Variants in KLF8 observed in about 807,000 individuals in gnomAD.
KLF8 encodes Krueppel-like factor 8.
KLF8 carries 10 observed loss-of-function variants against 18.2 expected under a neutral mutation model. The observed-to-expected ratio is 0.55, with a 90% CI of 0.34 to 0.93. The LOEUF is 0.93. KLF8 is among the 40% of genes least tolerant of loss of function. KLF8 has a pLI of 0.02. For missense variants in KLF8, 264 were observed against 277.9 expected (o/e 0.95, Z 0.36); for synonymous variants, 109 against 97.3 (o/e 1.12, Z -0.71).
At chrX:56,040,573 G>A in the KLF8 span, among the ~76,000 whole-genome samples, 12 of 110,853 alleles carry the variant, frequency 1.1e-4, no homozygotes, top group Non-Finnish European at 2.1e-4. Context: ...CTAGCATGAA[G>A]CCTACTTGAT....
At chrX:56,042,989 A>G in the KLF8 span, among the ~76,000 whole-genome samples, 1 of 111,102 alleles carries the variant, frequency 9.0e-6, no homozygotes, top group African/African-American at 3.3e-5. Flanking sequence ...TTCCTTCAGG[A>G]CCTCTTGCAA....
At chrX:56,104,523 C>T in the KLF8 span, among the ~76,000 whole-genome samples, 2 of 111,810 alleles carry the variant, frequency 1.8e-5, no homozygotes, top group Non-Finnish European at 3.8e-5. Context: ...ATAGTATTCT[C>T]TGATGGTACT....
the KLF8 span, among the ~76,000 whole-genome samples, chrX:56,141,311 T>C: frequency 8.9e-6 from 1 of 111,938 alleles, no homozygotes; most frequent in Admixed American, 9.5e-5. Flanking sequence ...AGGTCATTTA[T>C]ATTTTCCTAT....
the KLF8 span, chrX:56,015,044 G>A: frequency 1.8e-5 from 2 of 109,861 alleles, no homozygotes; most frequent in Middle Eastern, 4.6e-3. Flanking sequence ...AATAGATGCT[G>A]GGCTTAATAA....
the KLF8 span, among the ~76,000 whole-genome samples, chrX:55,988,593 T>G: frequency 8.9e-6 from 1 of 111,876 alleles, no homozygotes; most frequent in Admixed American, 9.5e-5. Context: ...CATGCTGTTT[T>G]GGTTACTGTA....
At position 56,285,317 on chromosome X, in the gene KLF8, G is replaced by T. The variant is rs918943519; in HGVS notation, c.*823G>T. 5.4e-5 allele frequency: 6 copies of T among 111,858 alleles called. No individual in the cohort carries two copies. The highest frequency in any genetic ancestry group is 1.6e-4 in the African/African-American group (5 of 30,719). 9.2% of individuals were successfully genotyped at this position (111,858 alleles called of 1,213,427 possible). ...GAAAAATGTTCCAGGAGAGTAGGTTGGGCAGTGACAGGAACAAACAGACCT... is the reference window on the plus strand; with the variant it reads ...GAAAAATGTTCCAGGAGAGTAGGTTTGGCAGTGACAGGAACAAACAGACCT... On this transcript the variant is annotated 3_prime_UTR_variant, in exon 6 of 6. Transcript: ENST00000468660.
intron 2 of KLF8, among the ~76,000 whole-genome samples, chrX:56,250,773 G>A (rs1476786565): frequency 9.0e-6 from 1 of 110,856 alleles, no homozygotes; most frequent in Admixed American, 9.6e-5. Context: ...CAAGAAATTG[G>A]CTCATTAGAT....
the KLF8 span, among the ~76,000 whole-genome samples, chrX:55,984,714 A>G: frequency 3.6e-5 from 4 of 111,094 alleles, no homozygotes; most frequent in African/African-American, 9.8e-5. Context: ...CTCTTCCACA[A>G]TGGTTGAACT....
chrX:56,093,911 G>A, the KLF8 span, among the ~76,000 whole-genome samples: 2 of 83,328 alleles, frequency 2.4e-5, no homozygotes, highest in African/African-American at 1.5e-4. Context: ...TTATATGTGT[G>A]TGTGTGTGTG....
At chrX:55,955,358 A>G in the KLF8 span, among the ~76,000 whole-genome samples, 2 of 111,428 alleles carry the variant, frequency 1.8e-5, no homozygotes, top group Non-Finnish European at 3.8e-5. Flanking sequence ...GAGGTCAGAG[A>G]AGAGTCAGGA....
the KLF8 span, among the ~76,000 whole-genome samples, chrX:56,198,396 G>C: frequency 8.9e-6 from 1 of 111,940 alleles, no homozygotes; most frequent in African/African-American, 3.2e-5. Flanking sequence ...AAAGTCTCAG[G>C]ATAGAAAATC....
chrX:56,256,184 G>T (rs770948779), intron 2 of KLF8, among the ~76,000 whole-genome samples: 8 of 111,166 alleles, frequency 7.2e-5, no homozygotes, highest in Non-Finnish European at 1.3e-4. Flanking sequence ...TGCTCATAGT[G>T]GCTACTAATG....
chrX:56,004,466 T>C, the KLF8 span, among the ~76,000 whole-genome samples: 1 of 111,857 alleles, frequency 8.9e-6, no homozygotes, highest in Admixed American at 9.4e-5. Context: ...TGACAGGTGC[T>C]TTTAGTACCC....
Position 56,288,561 on chromosome X carries a change from C to T in KLF8, c.*4067C>T, listed in dbSNP as rs190239364. On this transcript the variant is annotated 3_prime_UTR_variant, in exon 6 of 6. Coordinates refer to ENST00000468660, the MANE Select transcript of KLF8 (RefSeq NM_007250.5). ...AAGCAAATATTACAATAAAGCAAGTCACACAAATTTTTTGGTTTCCCAGTG... is the reference window on the plus strand; with the variant it reads ...AAGCAAATATTACAATAAAGCAAGTTACACAAATTTTTTGGTTTCCCAGTG... 1.0e-5 allele frequency among the ~76,000 whole-genome samples: 1 copy of T among 98,560 alleles called. No homozygotes were observed. Among genetic ancestry groups the T allele is most frequent in the African/African-American group, 5.4e-5 (1 of 18,531 alleles). The allele number at this position is 98,560 out of a possible 115,157, so 85.6% of individuals were successfully genotyped here.
chrX:55,992,500 G>A, the KLF8 span, among the ~76,000 whole-genome samples: 24 of 111,850 alleles, frequency 2.1e-4, no homozygotes, highest in Admixed American at 2.1e-3. Context: ...GGTTACTGTA[G>A]CCTTGTAATA....
the KLF8 span, among the ~76,000 whole-genome samples, chrX:55,919,214 A>G: frequency 8.9e-6 from 1 of 111,988 alleles, no homozygotes; most frequent in Non-Finnish European, 1.9e-5. Flanking sequence ...AGCTGCTCCC[A>G]AAATACAATG....
chrX:56,220,675 G>A, the KLF8 span, among the ~76,000 whole-genome samples: 1 of 110,340 alleles, frequency 9.1e-6, no homozygotes, highest in East Asian at 2.8e-4. Context: ...TTTTAGTAGA[G>A]ACCGGTTTCA....
At chrX:56,017,007 G>C in the KLF8 span, among the ~76,000 whole-genome samples, 4 of 111,277 alleles carry the variant, frequency 3.6e-5, no homozygotes, top group Admixed American at 2.9e-4. Flanking sequence ...GGTGGATTGA[G>C]GGAGGTGCTA....
At chrX:55,949,759 C>G in the KLF8 span, among the ~76,000 whole-genome samples, 1 of 108,275 alleles carries the variant, frequency 9.2e-6, no homozygotes, top group Non-Finnish European at 1.9e-5. Flanking sequence ...CCACTGCACT[C>G]CAGTCTGGCG....
Sources: gnomAD v4.1 joint callset for allele counts (sites outside exome capture counted in the v4.1 genomes callset) on GRCh38, gnomAD v4.1.1 for gene constraint, MANE v1.5 for transcripts, NCBI Gene and HGNC (gene_info 2026-07-23, HGNC 2026-07-21) for gene names.